GALK2: variants seen among roughly 807,000 people sequenced by gnomAD.
The protein encoded by GALK2 is galactokinase 2, also known as N-acetylgalactosamine kinase.
Under a neutral mutation model 52.4 loss-of-function variants are expected in GALK2, and 36 were observed. That is an observed-to-expected ratio of 0.69 (90% CI 0.53 to 0.91). The LOEUF is 0.91. Among genes scored for constraint, GALK2 ranks in the 40% least tolerant of loss-of-function variants. The pLI, the probability that GALK2 is intolerant of heterozygous loss-of-function variation, is 0.00. For synonymous variants in GALK2, 176 were observed against 199.1 expected, an observed-to-expected ratio of 0.88 and a Z score of 0.98; for missense variants, 579 against 559.1, an observed-to-expected ratio of 1.04 and a Z score of -0.36.
chr15:49,307,875 T>C (rs192673293), intron 8 of GALK2, among the ~76,000 whole-genome samples: 11 of 152,348 alleles, frequency 7.2e-5, no homozygotes, highest in Admixed American at 7.2e-4. Context: ...GCATTTTTTT[T>C]CATCAGCGAG....
At chr15:49,207,016 A>G (rs1470504974) in intron 2 of GALK2, among the ~76,000 whole-genome samples, 1 of 152,060 alleles carries the variant, frequency 6.6e-6, no homozygotes. Flanking sequence ...TGTCCCTTTT[A>G]TGTCAATTTT....
At chr15:49,352,950 G>C (rs750022278) in intron 3 of GALK2, among the ~76,000 whole-genome samples, 4 of 152,134 alleles carry the variant, frequency 2.6e-5, no homozygotes, top group Non-Finnish European at 5.9e-5. Flanking sequence ...ATTAAACTTA[G>C]CTTTGCTTGG....
intron 2 of GALK2, among the ~76,000 whole-genome samples, chr15:49,204,103 C>CAA (rs373448754): frequency 0.038 from 3,927 of 103,470 alleles, 116 homozygotes; most frequent in African/African-American, 0.082. Flanking sequence ...GATTCTGTCT[C>CAA]AAAAAAAAAA....
intron 3 of GALK2, among the ~76,000 whole-genome samples, chr15:49,226,322 G>T (rs2090133402): frequency 6.6e-6 from 1 of 152,112 alleles, no homozygotes; most frequent in Non-Finnish European, 1.5e-5. Flanking sequence ...AGGCTTTCAG[G>T]GCTGAGCATG....
At chr15:49,350,996 C>T (rs1246325631) in intron 3 of GALK2, among the ~76,000 whole-genome samples, 4 of 152,216 alleles carry the variant, frequency 2.6e-5, no homozygotes, top group Non-Finnish European at 4.4e-5. Flanking sequence ...ATATGCTACA[C>T]AGTTCTTAGA....
chr15:49,335,285 ATC>A, downstream of GALK2: 3 of 600,980 alleles, frequency 5.0e-6, no homozygotes, highest in South Asian at 2.2e-5. Flanking sequence ...CCTGAAAAGA[ATC>A]TCTGAGTCTA....
chr15:49,227,966 A>G (rs2090232115), intron 3 of GALK2, among the ~76,000 whole-genome samples: 1 of 152,144 alleles, frequency 6.6e-6, no homozygotes, highest in East Asian at 1.9e-4. Flanking sequence ...GTTCTCCTTC[A>G]TTTATGAAGG....
intron 5 of GALK2, among the ~76,000 whole-genome samples, chr15:49,281,700 TAGAA>T (rs1321963005): frequency 6.6e-6 from 1 of 152,158 alleles, no homozygotes; most frequent in Non-Finnish European, 1.5e-5. Context: ...ATAGAGTAAA[TAGAA>T]AGATGGTAGA....
At chr15:49,159,314 G>A (rs1051981313) in intron 1 of GALK2, among the ~76,000 whole-genome samples, 2 of 152,190 alleles carry the variant, frequency 1.3e-5, no homozygotes, top group Non-Finnish European at 2.9e-5. Flanking sequence ...GCTGGCTCAC[G>A]CCTGTAATCC....
intron 1 of GALK2, among the ~76,000 whole-genome samples, chr15:49,160,227 A>T (rs953495057): frequency 1.3e-5 from 2 of 152,080 alleles, no homozygotes; most frequent in East Asian, 3.9e-4. Context: ...GTGAGCCAAG[A>T]TTGCGCCACT....
At chr15:49,286,600 TTTAC>T (rs2033385305) in intron 7 of GALK2, among the ~76,000 whole-genome samples, 1 of 152,230 alleles carries the variant, frequency 6.6e-6, no homozygotes, top group African/African-American at 2.4e-5. Context: ...GAATTTTTAA[TTTAC>T]TTATTAAGAT....
chr15:49,334,958 A>G (rs952275563), downstream of GALK2, among the ~76,000 whole-genome samples: 1 of 152,220 alleles, frequency 6.6e-6, no homozygotes, highest in Non-Finnish European at 1.5e-5. Context: ...TATTTTATAA[A>G]TTATTATGAA....
intron 2 of GALK2, among the ~76,000 whole-genome samples, chr15:49,210,937 G>A (rs1038080089): frequency 2.0e-5 from 3 of 146,804 alleles, no homozygotes; most frequent in African/African-American, 7.6e-5. Context: ...ACTAGAGACG[G>A]GGTTTCCCAA....
intron 1 of GALK2, among the ~76,000 whole-genome samples, chr15:49,174,929 A>G (rs2085339680): frequency 6.6e-6 from 1 of 152,250 alleles, no homozygotes; most frequent in Non-Finnish European, 1.5e-5. Context: ...TTTGTAGACC[A>G]GAAGAGAGAG....
chr15:49,287,394 C>A lies in GALK2; in HGVS notation c.756+3676C>A, dbSNP rs190043815. ...ATGTTGCTGCAAATCACTAAAATCC[C>A]AGGTTTTATACAAAAGGGAAATGAA... is the stretch of plus-strand genomic sequence containing the variant. On this transcript the variant is annotated intron_variant, in intron 7 of 9. Coordinates refer to ENST00000560031, the MANE Select transcript of GALK2 (RefSeq NM_002044.4). Among the ~76,000 whole-genome samples the A allele has an allele frequency of 6.3e-3, 955 of 152,206 alleles. 5 individuals are homozygous for A. Among genetic ancestry groups the A allele is most frequent in the Non-Finnish European group, 0.011 (759 of 67,992 alleles).
intron 3 of GALK2, among the ~76,000 whole-genome samples, chr15:49,347,765 T>A (rs1365103141): frequency 6.6e-6 from 1 of 152,124 alleles, no homozygotes. Flanking sequence ...ACGCCAGTAA[T>A]CTCAACACTT....
chr15:49,289,224 G>A (rs990767264), intron 7 of GALK2, among the ~76,000 whole-genome samples: 4 of 152,190 alleles, frequency 2.6e-5, no homozygotes, highest in African/African-American at 7.2e-5. Context: ...AGCCTGGGAA[G>A]TAATAGGCAC....
At chr15:49,247,298 T>C (rs2091399201) in intron 5 of GALK2, among the ~76,000 whole-genome samples, 1 of 152,174 alleles carries the variant, frequency 6.6e-6, no homozygotes, top group Non-Finnish European at 1.5e-5. Flanking sequence ...TTCTTTGGCT[T>C]TCATTCTAAG....
intron 3 of GALK2, among the ~76,000 whole-genome samples, chr15:49,350,223 T>C (rs958052133): frequency 6.6e-6 from 1 of 152,232 alleles, no homozygotes; most frequent in Non-Finnish European, 1.5e-5. Context: ...TAGTCACATA[T>C]GGTTAATGAG....
Sources: gnomAD v4.1 joint callset for allele counts (sites outside exome capture counted in the v4.1 genomes callset) on GRCh38, gnomAD v4.1.1 for gene constraint, MANE v1.5 for transcripts, NCBI Gene and HGNC (gene_info 2026-07-23, HGNC 2026-07-21) for gene names.